Variants in PSD3 observed in about 807,000 individuals in gnomAD.
The protein encoded by PSD3 is pleckstrin and Sec7 domain containing 3.
In PSD3, 49 loss-of-function variants were observed where a neutral mutation model predicts 105.5. The ratio of observed to expected loss-of-function variants is 0.46; its 90% confidence interval spans 0.37 to 0.59. The LOEUF (loss-of-function observed/expected upper bound fraction) is 0.59, where lower values mean the gene tolerates loss of function less well. PSD3 is among the 20% of genes least tolerant of loss of function. PSD3 has a pLI of 0.00. For synonymous variants in PSD3, 557 were observed against 457.8 expected, an observed-to-expected ratio of 1.22 and a Z score of -2.77; for missense variants, 1,561 against 1,263.8, an observed-to-expected ratio of 1.24 and a Z score of -3.57.
chr8:18,565,928 A>G (rs1804114939), intron 14 of PSD3, among the ~76,000 whole-genome samples: 5 of 152,106 alleles, frequency 3.3e-5, no homozygotes, highest in Admixed American at 3.3e-4. Context: ...ACATCCTACA[A>G]TTCACAGAGG....
intron 9 of PSD3, among the ~76,000 whole-genome samples, chr8:18,753,465 T>A (rs1805769779): frequency 6.6e-6 from 1 of 152,144 alleles, no homozygotes; most frequent in Admixed American, 6.5e-5. Context: ...AAATACTTCC[T>A]TGCAAGATCT....
At chr8:18,869,190 C>CTTTTTT (rs10648699) in intron 3 of PSD3, among the ~76,000 whole-genome samples, 5 of 119,788 alleles carry the variant, frequency 4.2e-5, no homozygotes, top group Non-Finnish European at 6.6e-5. Flanking sequence ...CTCTCCCCTG[C>CTTTTTT]TTTTTTTTTT....
chr8:18,621,634 G>C (rs1019867615), intron 11 of PSD3, among the ~76,000 whole-genome samples: 1 of 151,986 alleles, frequency 6.6e-6, no homozygotes, highest in African/African-American at 2.4e-5. Context: ...GTGCTCCTGC[G>C]CGTTCACATG....
chr8:18,845,389 T>C (rs1301914153), intron 4 of PSD3, among the ~76,000 whole-genome samples: 1 of 152,182 alleles, frequency 6.6e-6, no homozygotes, highest in Non-Finnish European at 1.5e-5. Context: ...TGGTCCTGTC[T>C]GCATTCTCAG....
At chr8:18,609,227 A>C (rs6999651) in intron 11 of PSD3, among the ~76,000 whole-genome samples, 98,486 of 152,118 alleles carry the variant, frequency 0.65, 32,244 homozygotes, top group Middle Eastern at 0.79. Context: ...CATTAATGAG[A>C]AGTAATTTAT....
chr8:18,984,496 C>T (rs1417346912), intron 1 of PSD3, among the ~76,000 whole-genome samples: 1 of 151,796 alleles, frequency 6.6e-6, no homozygotes, highest in African/African-American at 2.4e-5. Context: ...ATTAAAAATA[C>T]CAAAAAAATG....
At chr8:18,759,507 G>C (rs918294021) in intron 9 of PSD3, among the ~76,000 whole-genome samples, 1 of 152,076 alleles carries the variant, frequency 6.6e-6, no homozygotes, top group African/African-American at 2.4e-5. Flanking sequence ...ATTTTTAAAG[G>C]AGAGACTGTT....
intron 9 of PSD3, among the ~76,000 whole-genome samples, chr8:18,753,852 T>G (rs1340490796): frequency 6.6e-6 from 1 of 152,190 alleles, no homozygotes; most frequent in Non-Finnish European, 1.5e-5. Context: ...TACTTTGCAG[T>G]GCTGTAATGC....
intron 4 of PSD3, among the ~76,000 whole-genome samples, chr8:18,845,634 T>C (rs551526703): frequency 6.6e-6 from 1 of 152,196 alleles, no homozygotes; most frequent in South Asian, 2.1e-4. Context: ...TACTGCAGCA[T>C]CAATTAGAAA....
intron 2 of PSD3, among the ~76,000 whole-genome samples, chr8:18,929,935 A>G (rs1447068432): frequency 1.3e-5 from 2 of 152,216 alleles, no homozygotes; most frequent in African/African-American, 4.8e-5. Flanking sequence ...GAAACTATAA[A>G]TAAAACTATA....
At chr8:18,700,483 G>A (rs904612848) in intron 9 of PSD3, among the ~76,000 whole-genome samples, 2 of 152,178 alleles carry the variant, frequency 1.3e-5, no homozygotes, top group Non-Finnish European at 2.9e-5. Context: ...TATCTCCCAT[G>A]CTTAAACCTT....
At chr8:18,935,225 C>T (rs544177149) in intron 2 of PSD3, among the ~76,000 whole-genome samples, 2 of 152,228 alleles carry the variant, frequency 1.3e-5, no homozygotes, top group African/African-American at 4.8e-5. Context: ...AAAAATGTTG[C>T]TTCTAGTTCC....
intron 9 of PSD3, among the ~76,000 whole-genome samples, chr8:18,704,349 C>A (rs1208624236): frequency 6.6e-6 from 1 of 152,046 alleles, no homozygotes; most frequent in Non-Finnish European, 1.5e-5. Flanking sequence ...AATAAGAGAA[C>A]CTTTTTTTGT....
chr8:18,861,365 C>T (rs887388139), intron 4 of PSD3, among the ~76,000 whole-genome samples: 2 of 152,182 alleles, frequency 1.3e-5, no homozygotes, highest in Admixed American at 1.3e-4. Flanking sequence ...GTCCCATCCT[C>T]AGCCCACTCC....
intron 2 of PSD3, among the ~76,000 whole-genome samples, chr8:18,903,816 T>C (rs1056847756): frequency 6.6e-5 from 10 of 152,024 alleles, no homozygotes; most frequent in Non-Finnish European, 1.0e-4. Context: ...AGGCACCGTT[T>C]TGGGGACATG....
At chr8:18,657,155 T>C (rs1440690743) in intron 9 of PSD3, among the ~76,000 whole-genome samples, 2 of 152,176 alleles carry the variant, frequency 1.3e-5, no homozygotes, top group African/African-American at 4.8e-5. Flanking sequence ...TTCAGAAAGT[T>C]GTCCAAGCAG....
At chr8:18,718,227 A>G (rs1802726577) in intron 9 of PSD3, among the ~76,000 whole-genome samples, 1 of 152,166 alleles carries the variant, frequency 6.6e-6, no homozygotes, top group Admixed American at 6.5e-5. Context: ...CTACCCTCAC[A>G]ATCTTTTATT....
chr8:19,051,111 C>A (rs940350516), intron 1 of PSD3, among the ~76,000 whole-genome samples: 1 of 152,156 alleles, frequency 6.6e-6, no homozygotes, highest in African/African-American at 2.4e-5. Flanking sequence ...CTGATCATGT[C>A]TCACCTCTGC....
intron 4 of PSD3, among the ~76,000 whole-genome samples, chr8:18,844,728 C>CA (rs1814938459): frequency 6.6e-6 from 1 of 152,190 alleles, no homozygotes; most frequent in Non-Finnish European, 1.5e-5. Context: ...GTTAGAAGCA[C>CA]AAAAACCAAT....
Sources: allele counts gnomAD v4.1 joint callset (sites outside exome capture counted in the v4.1 genomes callset), GRCh38; gene constraint gnomAD v4.1.1; transcripts MANE v1.5; gene names NCBI Gene and HGNC (gene_info 2026-07-23, HGNC 2026-07-21).